PARD3B: variants seen among roughly 807,000 people sequenced by gnomAD.
The protein encoded by PARD3B is partitioning defective 3 homolog B.
PARD3B carries 103 observed loss-of-function variants against 130.2 expected under a neutral mutation model. The observed-to-expected ratio is 0.79, with a 90% CI of 0.67 to 0.93. The LOEUF (loss-of-function observed/expected upper bound fraction) is 0.93, where lower values mean the gene tolerates loss of function less well. Among genes scored for constraint, PARD3B ranks in the 40% least tolerant of loss-of-function variants. The pLI is 0.00. For synonymous variants in PARD3B, 583 were observed against 553.2 expected, an observed-to-expected ratio of 1.05 and a Z score of -0.76; for missense variants, 1,609 against 1,499.2, an observed-to-expected ratio of 1.07 and a Z score of -1.21.
chr2:205,256,403 T>C (rs576524734), intron 16 of PARD3B, among the ~76,000 whole-genome samples: 2 of 152,266 alleles, frequency 1.3e-5, no homozygotes, highest in South Asian at 4.1e-4. Context: ...GTATAGAATA[T>C]GGATTCTGCC....
At chr2:204,886,352 C>A (rs550373354) in intron 2 of PARD3B, among the ~76,000 whole-genome samples, 1 of 152,216 alleles carries the variant, frequency 6.6e-6, no homozygotes, top group South Asian at 2.1e-4. Context: ...AGCATTTGAC[C>A]CTCATTATGA....
intron 3 of PARD3B, among the ~76,000 whole-genome samples, chr2:204,988,123 C>G (rs1336783235): frequency 6.6e-6 from 1 of 151,932 alleles, no homozygotes; most frequent in Non-Finnish European, 1.5e-5. Flanking sequence ...AAAGCTGAGA[C>G]AAAAAGGAGA....
chr2:204,580,977 G>A lies in PARD3B; in HGVS notation c.120+34858G>A, dbSNP rs144127804. ...CAGAATTTCAAATTTATGCAGACTCGTTATTCTGCTTTGAAAAGCTTTATT... is the reference window on the plus strand; with the variant it reads ...CAGAATTTCAAATTTATGCAGACTCATTATTCTGCTTTGAAAAGCTTTATT... On this transcript the variant is annotated intron_variant, in intron 1 of 22. Coordinates refer to ENST00000406610, the MANE Select transcript of PARD3B (RefSeq NM_001302769.2). Among the ~76,000 whole-genome samples, 636 of 152,250 alleles carry A rather than the reference G, an allele frequency of 4.2e-3. 2 individuals are homozygous for A. The highest frequency in any genetic ancestry group is 6.1e-3 in the Non-Finnish European group (412 of 68,020).
chr2:205,101,051 A>G (rs957053589), intron 4 of PARD3B, among the ~76,000 whole-genome samples: 1 of 152,188 alleles, frequency 6.6e-6, no homozygotes, highest in African/African-American at 2.4e-5. Flanking sequence ...AGTGAAGACA[A>G]CCCAAAGAAC....
chr2:205,523,857 ATAGGCAG>A (rs1475266081), intron 21 of PARD3B, among the ~76,000 whole-genome samples: 1 of 146,962 alleles, frequency 6.8e-6, no homozygotes, highest in African/African-American at 2.5e-5. Context: ...TTCAGGAAGA[ATAGGCAG>A]TATATTTTTA....
intron 1 of PARD3B, among the ~76,000 whole-genome samples, chr2:204,620,905 C>T (rs2034277381): frequency 7.3e-6 from 1 of 137,082 alleles, no homozygotes; most frequent in Non-Finnish European, 1.6e-5. Flanking sequence ...TTTCCCTATG[C>T]TGAGAGACTT....
rs2031233182 is a variant in PARD3B at position 205,125,182 on chromosome 2, C to T, written c.1306-427C>T. On this transcript the variant is annotated intron_variant, in intron 9 of 22. Coordinates refer to ENST00000406610, the MANE Select transcript of PARD3B (RefSeq NM_001302769.2). The surrounding 1 kb of genome is among the most constrained non-coding windows in gnomAD (Gnocchi z 4.0). ...ATGATAATCTGGTGACTATAATTTT[C>T]TAAATATGTTTAAAACCTGCAGGAT... Among the ~76,000 whole-genome samples, 1 of 152,170 alleles carries T rather than the reference C, an allele frequency of 6.6e-6. No individual in the cohort carries two copies. Among genetic ancestry groups the T allele is most frequent in the African/African-American group, 2.4e-5 (1 of 41,446 alleles).
chr2:205,417,736 T>C (rs549098220), intron 19 of PARD3B, among the ~76,000 whole-genome samples: 2 of 152,296 alleles, frequency 1.3e-5, no homozygotes, highest in African/African-American at 4.8e-5. Flanking sequence ...CCTTGCAAGA[T>C]CAATCCAGCC....
intron 18 of PARD3B, among the ~76,000 whole-genome samples, chr2:205,318,111 C>A (rs543664951): frequency 8.9e-4 from 136 of 152,264 alleles, no homozygotes; most frequent in African/African-American, 3.2e-3. Flanking sequence ...AACCCTAATT[C>A]TAGGGCTTTT....
At chr2:204,864,182 G>T (rs551501427) in intron 2 of PARD3B, among the ~76,000 whole-genome samples, 8 of 152,156 alleles carry the variant, frequency 5.3e-5, no homozygotes, top group Non-Finnish European at 1.2e-4. Flanking sequence ...CTCCTAAGCC[G>T]TTCCTGTACT....
chr2:204,918,992 C>T (rs1200187883), intron 2 of PARD3B, among the ~76,000 whole-genome samples: 1 of 152,016 alleles, frequency 6.6e-6, no homozygotes, highest in Admixed American at 6.6e-5. Context: ...CTTTTTTCCA[C>T]ATTTTATGAA....
At chr2:205,599,849 G>A (rs1409938147) in intron 22 of PARD3B, among the ~76,000 whole-genome samples, 1 of 152,142 alleles carries the variant, frequency 6.6e-6, no homozygotes, top group Non-Finnish European at 1.5e-5. Flanking sequence ...TACAGTTTTG[G>A]CTCTATTTTA....
intron 16 of PARD3B, among the ~76,000 whole-genome samples, chr2:205,267,332 G>C (rs749434529): frequency 3.5e-5 from 5 of 142,434 alleles, no homozygotes; most frequent in Non-Finnish European, 6.3e-5. Flanking sequence ...AAATTAAAAG[G>C]CATAGATTTC....
intron 15 of PARD3B, among the ~76,000 whole-genome samples, chr2:205,201,968 A>G (rs2037017202): frequency 6.6e-6 from 1 of 152,226 alleles, no homozygotes; most frequent in Non-Finnish European, 1.5e-5. Context: ...AGTGAGATGA[A>G]TAGATGAAAA....
intron 19 of PARD3B, among the ~76,000 whole-genome samples, chr2:205,437,479 A>G (rs180737318): frequency 6.6e-6 from 1 of 152,330 alleles, no homozygotes; most frequent in African/African-American, 2.4e-5. Flanking sequence ...TGATGGAATT[A>G]GTCTCTATTT....
chr2:204,802,535 T>G (rs1361319668), intron 2 of PARD3B, among the ~76,000 whole-genome samples: 1 of 152,180 alleles, frequency 6.6e-6, no homozygotes, highest in Non-Finnish European at 1.5e-5. Flanking sequence ...TAAAGATACA[T>G]GCACATGTAT....
At chr2:204,695,032 G>A (rs1280124000) in intron 2 of PARD3B, among the ~76,000 whole-genome samples, 3 of 151,974 alleles carry the variant, frequency 2.0e-5, no homozygotes, top group Non-Finnish European at 1.5e-5. Flanking sequence ...TTTTAAGTTT[G>A]GTTGGAGGGA....
intron 1 of PARD3B, among the ~76,000 whole-genome samples, chr2:204,563,606 C>T (rs150007921): frequency 6.6e-6 from 1 of 152,224 alleles, no homozygotes; most frequent in Non-Finnish European, 1.5e-5. Context: ...AATAATCATT[C>T]TGTATTATTG....
intron 4 of PARD3B, among the ~76,000 whole-genome samples, chr2:205,057,819 A>C (rs1441901095): frequency 6.6e-6 from 1 of 150,718 alleles, no homozygotes; most frequent in Admixed American, 6.6e-5. Context: ...CCTGCCTTGA[A>C]ACCCTTGATC....
Sources: gnomAD v4.1 joint callset for allele counts (sites outside exome capture counted in the v4.1 genomes callset) on GRCh38, gnomAD v4.1.1 for gene constraint, Gnocchi (gnomAD v3.1) non-coding constraint, MANE v1.5 for transcripts, NCBI Gene and HGNC (gene_info 2026-07-23, HGNC 2026-07-21) for gene names.